Variants in PRIMA1 observed in about 807,000 individuals in gnomAD.
PRIMA1 encodes proline-rich membrane anchor 1.
PRIMA1 carries 7 observed loss-of-function variants against 17.5 expected under a neutral mutation model. That is an observed-to-expected ratio of 0.40 (90% CI 0.23 to 0.75). PRIMA1 has a LOEUF of 0.75. PRIMA1 is among the 30% of genes least tolerant of loss of function. PRIMA1 has a pLI of 0.37. For missense variants in PRIMA1, 200 were observed against 201.8 expected, an observed-to-expected ratio of 0.99 and a Z score of 0.05; for synonymous variants, 97 against 77.9, an observed-to-expected ratio of 1.25 and a Z score of -1.29.
chr14:93,745,618 T>C (rs1301881749), intron 3 of PRIMA1, among the ~76,000 whole-genome samples: 1 of 152,194 alleles, frequency 6.6e-6, no homozygotes, highest in Non-Finnish European at 1.5e-5. Flanking sequence ...GCATTCCCTC[T>C]GCCCTCTGAG....
At chr14:93,788,086 T>C (rs1187949085) in intron 1 of PRIMA1, among the ~76,000 whole-genome samples, 2 of 151,824 alleles carry the variant, frequency 1.3e-5, no homozygotes, top group Non-Finnish European at 2.9e-5. Context: ...TACAACTCAC[T>C]CTCACTGTGA....
intron 4 of PRIMA1, among the ~76,000 whole-genome samples, chr14:93,723,653 T>G (rs930876048): frequency 6.6e-6 from 1 of 151,610 alleles, no homozygotes; most frequent in Non-Finnish European, 1.5e-5. Context: ...AACCCACAAT[T>G]CCTCCCACAG....
At chr14:93,739,756 G>GTCAC (rs2076173159) in intron 3 of PRIMA1, among the ~76,000 whole-genome samples, 1 of 152,148 alleles carries the variant, frequency 6.6e-6, no homozygotes, top group South Asian at 2.1e-4. Context: ...AGCCTCAGGT[G>GTCAC]TCACAGAGAC....
chr14:93,786,088 T>TGCTTCCCACCCCAGGTGAA (rs1331235565), intron 2 of PRIMA1, among the ~76,000 whole-genome samples: 2 of 152,194 alleles, frequency 1.3e-5, no homozygotes, highest in Non-Finnish European at 1.5e-5. Context: ...CTCACTACGT[T>TGCTTCCCACCCCAGGTGAA]GCTTCCCACC....
At chr14:93,762,373 G>A (rs1294256502) in intron 3 of PRIMA1, among the ~76,000 whole-genome samples, 1 of 152,080 alleles carries the variant, frequency 6.6e-6, no homozygotes, top group Non-Finnish European at 1.5e-5. Flanking sequence ...GGTTGGCTGG[G>A]AGATGAAATC....
chr14:93,762,079 C>T (rs1374026492), intron 3 of PRIMA1, among the ~76,000 whole-genome samples: 4 of 152,008 alleles, frequency 2.6e-5, no homozygotes, highest in African/African-American at 4.8e-5. Flanking sequence ...GGGCCAGGGC[C>T]TGGGCGGTAA....
At chr14:93,732,322 C>G (rs542950744) in intron 4 of PRIMA1, among the ~76,000 whole-genome samples, 2 of 152,216 alleles carry the variant, frequency 1.3e-5, no homozygotes, top group Non-Finnish European at 2.9e-5. Flanking sequence ...TGCAAGTGCA[C>G]AGGCCTGTGG....
chr14:93,762,587 G>C (rs1884766558), intron 3 of PRIMA1, among the ~76,000 whole-genome samples: 1 of 151,916 alleles, frequency 6.6e-6, no homozygotes. Context: ...ACCTGGTCCC[G>C]GTGGCTGTCA....
At chr14:93,732,951 C>T (rs1283736695) in intron 4 of PRIMA1, among the ~76,000 whole-genome samples, 2 of 152,198 alleles carry the variant, frequency 1.3e-5, no homozygotes, top group Non-Finnish European at 2.9e-5. Flanking sequence ...TGGGAGGACA[C>T]CCAGGTGCCA....
intron 3 of PRIMA1, among the ~76,000 whole-genome samples, chr14:93,745,631 GCCA>G (rs1000393823): frequency 1.3e-5 from 2 of 152,194 alleles, no homozygotes; most frequent in African/African-American, 4.8e-5. Flanking sequence ...CCTCTGAGTG[GCCA>G]CATCCTGTGG....
At chr14:93,725,260 G>C (rs555313182) in intron 4 of PRIMA1, among the ~76,000 whole-genome samples, 7 of 152,270 alleles carry the variant, frequency 4.6e-5, no homozygotes, top group African/African-American at 1.4e-4. Context: ...GCATTCGGGA[G>C]CCCGCGCGTG....
In PRIMA1 at chr14:93,737,728, G is replaced by A. The variant is rs545324293; in HGVS notation, c.230-358C>T. On this transcript the variant is annotated intron_variant, in intron 3 of 4. Transcript: ENST00000393140. ...CCGGCCATCCCTGCCCCCACCCTGC[G>A]GCAGGTGACATCATGGCTGGCCCCC... Among the ~76,000 whole-genome samples, 39 of 152,336 alleles carry A rather than the reference G, an allele frequency of 2.6e-4. 1 individual carries two copies. The East Asian group carries it at 6.6e-3, about 26-fold the overall frequency.
chr14:93,787,486 T>TAGCAGCTTTTCTTTTCA, intron 2 of PRIMA1, 140 bp downstream of exon 2: 1 of 1,220,960 alleles, frequency 8.2e-7, no homozygotes, highest in South Asian at 1.4e-5. Flanking sequence ...TAGGGGACCG[T>TAGCAGCTTTTCTTTTCA]AGCAGCTTTT....
intron 3 of PRIMA1, among the ~76,000 whole-genome samples, chr14:93,756,638 C>T (rs1427596944): frequency 6.6e-6 from 1 of 152,068 alleles, no homozygotes; most frequent in East Asian, 1.9e-4. Flanking sequence ...TGTACAGCAT[C>T]GGCCCCAGCA....
At chr14:93,722,721 G>A (rs2076049219) in intron 4 of PRIMA1, among the ~76,000 whole-genome samples, 1 of 1,346 alleles carries the variant, frequency 7.4e-4, no homozygotes, top group Admixed American at 4.4e-3. Context: ...TTAGCGTAAT[G>A]GTTGTGATGG....
chr14:93,783,070 G>A (rs1238921466), intron 2 of PRIMA1, among the ~76,000 whole-genome samples: 1 of 152,164 alleles, frequency 6.6e-6, no homozygotes, highest in Non-Finnish European at 1.5e-5. Flanking sequence ...CCTGCTCAAT[G>A]CTGCTGCTTT....
chr14:93,731,104 G>A (rs1020155265), intron 4 of PRIMA1, among the ~76,000 whole-genome samples: 2 of 152,188 alleles, frequency 1.3e-5, no homozygotes, highest in Non-Finnish European at 2.9e-5. Flanking sequence ...AGCATAGTAC[G>A]CTATGTGGCT....
chr14:93,741,867 A>C (rs2076186454), intron 3 of PRIMA1, among the ~76,000 whole-genome samples: 1 of 152,058 alleles, frequency 6.6e-6, no homozygotes, highest in African/African-American at 2.4e-5. Flanking sequence ...ACAGAAAGGC[A>C]GGAGTTGACA....
chr14:93,724,481 C>T (rs1253739619), intron 4 of PRIMA1, among the ~76,000 whole-genome samples: 1 of 152,166 alleles, frequency 6.6e-6, no homozygotes, highest in South Asian at 2.1e-4. Flanking sequence ...CCTTCATCCC[C>T]GTTCCTGTCC....
Sources: gnomAD v4.1 joint callset for allele counts (sites outside exome capture counted in the v4.1 genomes callset) on GRCh38, gnomAD v4.1.1 for gene constraint, MANE v1.5 for transcripts, NCBI Gene and HGNC (gene_info 2026-07-23, HGNC 2026-07-21) for gene names.